PSD3: variants seen among roughly 807,000 people sequenced by gnomAD.
PSD3 encodes the protein pleckstrin and Sec7 domain containing 3, also known as PH and SEC7 domain-containing protein 3.
Under a neutral mutation model 105.5 loss-of-function variants are expected in PSD3, and 49 were observed. The observed-to-expected ratio is 0.46, with a 90% CI of 0.37 to 0.59. The LOEUF is 0.59. PSD3 is among the 20% of genes least tolerant of loss of function. The pLI is 0.00. For missense variants in PSD3, 1,561 were observed against 1,263.8 expected (o/e 1.24, Z -3.57); for synonymous variants, 557 against 457.8 (o/e 1.22, Z -2.77).
chr8:19,084,668 C>A, exon 1 of PSD3: 1 of 341,600 alleles, frequency 2.9e-6, no homozygotes, highest in South Asian at 2.2e-5. Flanking sequence ...GGGATTTTTT[C>A]CTCCCTTCCT....
chr8:19,062,639 A>C (rs1228237541), intron 1 of PSD3, among the ~76,000 whole-genome samples: 1 of 152,248 alleles, frequency 6.6e-6, no homozygotes, highest in Non-Finnish European at 1.5e-5. Context: ...TATTTTCTAT[A>C]AGTAAAAGAC....
At chr8:18,742,186 T>C (rs550656367) in intron 9 of PSD3, among the ~76,000 whole-genome samples, 1 of 152,352 alleles carries the variant, frequency 6.6e-6, no homozygotes, top group East Asian at 1.9e-4. Context: ...ATCATCTTCC[T>C]ATTTCCTTGC....
chr8:18,540,728 C>T (rs140333636), intron 15 of PSD3, among the ~76,000 whole-genome samples: 63 of 152,244 alleles, frequency 4.1e-4, no homozygotes, highest in Non-Finnish European at 8.2e-4. Context: ...AAAGACACTG[C>T]CCTGTTAAAA....
chr8:19,023,423 A>ATTTG (rs1196305870), intron 1 of PSD3, among the ~76,000 whole-genome samples: 4 of 128,240 alleles, frequency 3.1e-5, no homozygotes, highest in Non-Finnish European at 7.0e-5. Context: ...TTATTTATTT[A>ATTTG]TTTATTTATT....
chr8:18,884,861 C>T (rs1051082417), intron 2 of PSD3, among the ~76,000 whole-genome samples: 1 of 152,192 alleles, frequency 6.6e-6, no homozygotes, highest in South Asian at 2.1e-4. Context: ...TCAGAGGCAG[C>T]TCTGTGAGCT....
intron 1 of PSD3, among the ~76,000 whole-genome samples, chr8:18,988,110 AATAC>A (rs1563489100): frequency 3.3e-5 from 4 of 121,804 alleles, no homozygotes; most frequent in Admixed American, 1.5e-4. Flanking sequence ...TAAATAAATA[AATAC>A]ATATATATAT....
In PSD3 at chr8:18,527,974, G is replaced by C. The variant is rs2129831138; in HGVS notation, c.*7769C>G. On this transcript the variant is annotated 3_prime_UTR_variant, in exon 16 of 16. Coordinates refer to ENST00000327040, the MANE Select transcript of PSD3 (RefSeq NM_015310.4). ...TGGTGGAGAAAACTTTGAAGGTAAA[G>C]AAATGTTCCACAATGCCAATTAGTT... The C allele has an allele frequency of 6.6e-6, 1 of 152,316 alleles. No homozygotes were observed. Among genetic ancestry groups the C allele is most frequent in the East Asian group, 1.9e-4 (1 of 5,190 alleles). The allele number at this position is 152,316 out of a possible 1,614,324, so 9.4% of individuals were successfully genotyped here.
At chr8:18,840,972 A>G (rs1407266511) in intron 4 of PSD3, among the ~76,000 whole-genome samples, 2 of 152,202 alleles carry the variant, frequency 1.3e-5, no homozygotes, top group Non-Finnish European at 1.5e-5. Context: ...TTGCCCCTCT[A>G]AAATTCTACT....
At chr8:18,803,777 AG>A (rs1279531512) in intron 6 of PSD3, among the ~76,000 whole-genome samples, 1 of 150,590 alleles carries the variant, frequency 6.6e-6, no homozygotes, top group African/African-American at 2.5e-5. Flanking sequence ...GGGGGAAAGG[AG>A]GGGAAGGAAA....
At chr8:18,605,157 C>A (rs1307267286) in intron 11 of PSD3, among the ~76,000 whole-genome samples, 1 of 152,176 alleles carries the variant, frequency 6.6e-6, no homozygotes, top group Non-Finnish European at 1.5e-5. Flanking sequence ...CCATATATGC[C>A]TGGAAAAACC....
rs144944766 is a variant in PSD3 at position 18,754,511 on chromosome 8, G to A, written c.2172+10938C>T. On this transcript the variant is annotated intron_variant, in intron 9 of 15. Transcript: ENST00000327040. ...TAACTTGCCCACGAACAGCTGGCTC[G>A]GTGATAGTCAGCAGTAACTTGTATG... Among the ~76,000 whole-genome samples, 260 of 152,190 alleles carry A rather than the reference G, an allele frequency of 1.7e-3. 3 individuals carry two copies. Among genetic ancestry groups the A allele is most frequent in the East Asian group, 8.5e-3 (44 of 5,178 alleles).
chr8:18,929,052 T>C (rs377546770), intron 2 of PSD3, among the ~76,000 whole-genome samples: 1 of 152,288 alleles, frequency 6.6e-6, no homozygotes, highest in African/African-American at 2.4e-5. Context: ...TCTATGAACG[T>C]ACTAAAAATC....
intron 2 of PSD3, among the ~76,000 whole-genome samples, chr8:18,899,833 C>T (rs1819389833): frequency 6.6e-6 from 1 of 152,232 alleles, no homozygotes; most frequent in Non-Finnish European, 1.5e-5. Context: ...ATTCAAGGCT[C>T]AGGGGTTAGA....
intron 9 of PSD3, among the ~76,000 whole-genome samples, chr8:18,659,309 C>T (rs1027067859): frequency 1.3e-5 from 2 of 152,208 alleles, no homozygotes; most frequent in African/African-American, 2.4e-5. Context: ...ATGAGCCTCT[C>T]GCCATCTCCT....
intron 14 of PSD3, among the ~76,000 whole-genome samples, chr8:18,559,941 A>G (rs1241040843): frequency 1.3e-5 from 2 of 152,140 alleles, no homozygotes; most frequent in African/African-American, 4.8e-5. Flanking sequence ...TTTACAAAGG[A>G]ACTAACCGAG....
intron 15 of PSD3, among the ~76,000 whole-genome samples, chr8:18,554,835 T>C (rs1210843641): frequency 6.6e-6 from 1 of 152,088 alleles, no homozygotes; most frequent in Non-Finnish European, 1.5e-5. Context: ...TAGGAGGAAT[T>C]TGGGCTGTAC....
intron 10 of PSD3, among the ~76,000 whole-genome samples, chr8:18,641,755 T>C (rs933134113): frequency 6.6e-6 from 1 of 152,174 alleles, no homozygotes; most frequent in Non-Finnish European, 1.5e-5. Flanking sequence ...GTGGCTCACA[T>C]CTCAATACTG....
chr8:18,540,310 G>A (rs2129959644), intron 15 of PSD3, among the ~76,000 whole-genome samples: 1 of 152,122 alleles, frequency 6.6e-6, no homozygotes, highest in South Asian at 2.1e-4. Flanking sequence ...TATGCACTGG[G>A]AAACAAAAAA....
At chr8:18,921,555 A>G (rs12156073) in intron 2 of PSD3, among the ~76,000 whole-genome samples, 14,611 of 152,228 alleles carry the variant, frequency 0.096, 817 homozygotes, top group Admixed American at 0.16. Flanking sequence ...CCTACACACA[A>G]CTGGGCAGGT....
Sources: gnomAD v4.1 joint callset for allele counts (sites outside exome capture counted in the v4.1 genomes callset) on GRCh38, gnomAD v4.1.1 for gene constraint, MANE v1.5 for transcripts, NCBI Gene and HGNC (gene_info 2026-07-23, HGNC 2026-07-21) for gene names.